The following DNAH12 variants were observed in gnomAD, a reference collection of about 807,000 sequenced individuals.
The protein encoded by DNAH12 is axonemal beta dynein heavy chain 12.
Under a neutral mutation model 371.5 loss-of-function variants are expected in DNAH12, and 285 were observed. That is an observed-to-expected ratio of 0.77 (90% confidence interval 0.70 to 0.85). The LOEUF (loss-of-function observed/expected upper bound fraction) is 0.85, where lower values mean the gene tolerates loss of function less well. DNAH12 is among the 40% of genes least tolerant of loss of function. DNAH12 has a pLI of 0.00. For missense variants in DNAH12, 3,611 were observed against 3,689.4 expected (o/e 0.98, Z 0.55); for synonymous variants, 1,200 against 1,213.0 (o/e 0.99, Z 0.22).
At chr3:57,445,991 CATAAA>C (rs1464268881) in intron 27 of DNAH12, 35 bp downstream of exon 27, 1 of 1,425,134 alleles carries the variant, frequency 7.0e-7, no homozygotes. Flanking sequence ...GTTTCAAAAA[CATAAA>C]ATAAATAAAT....
intron 50 of DNAH12, among the ~76,000 whole-genome samples, chr3:57,381,219 C>A (rs1021856002): frequency 7.2e-6 from 1 of 138,056 alleles, no homozygotes; most frequent in Admixed American, 7.5e-5. Flanking sequence ...TTTCTACTTC[C>A]GGAAGCCTGA....
intron 25 of DNAH12, 77 bp from the exon 26 acceptor site, chr3:57,446,766 A>C (rs1054807010): frequency 7.5e-7 from 1 of 1,326,066 alleles, no homozygotes; most frequent in Non-Finnish European, 9.8e-7. Context: ...TACCAAATGG[A>C]TTTAGCCTGT....
At chr3:57,530,924 GC>G in intron 2 of DNAH12, 2 of 156,530 alleles carry the variant, frequency 1.3e-5, no homozygotes. Flanking sequence ...GCTTACTCTT[GC>G]CCCTGTCTTG....
chr3:57,415,100 TC>T (rs2064323773), intron 38 of DNAH12, among the ~76,000 whole-genome samples: 1 of 152,040 alleles, frequency 6.6e-6, no homozygotes, highest in Non-Finnish European at 1.5e-5. Flanking sequence ...TCCCTGGGTC[TC>T]CCCACCCCTG....
chr3:57,459,546 A>G (rs934466765), intron 20 of DNAH12, 46 bp downstream of exon 20: 4 of 1,306,660 alleles, frequency 3.1e-6, no homozygotes, highest in Non-Finnish European at 2.0e-6. Context: ...CTTAATTTCC[A>G]AAAACAAAGG....
At chr3:57,442,805 A>T (rs1255501257) in intron 29 of DNAH12, among the ~76,000 whole-genome samples, 1 of 152,236 alleles carries the variant, frequency 6.6e-6, no homozygotes, top group Admixed American at 6.5e-5. Context: ...GCATATTAGT[A>T]TTTGAGCATA....
chr3:57,346,875 G>A (rs1274413715), intron 60 of DNAH12, among the ~76,000 whole-genome samples: 12 of 150,004 alleles, frequency 8.0e-5, no homozygotes, highest in Admixed American at 2.7e-4. Flanking sequence ...GGAGCATTAC[G>A]TAAAGATAAA....
At chr3:57,354,804 A>C (rs1025734788) in intron 59 of DNAH12, among the ~76,000 whole-genome samples, 2 of 152,208 alleles carry the variant, frequency 1.3e-5, no homozygotes, top group Admixed American at 6.5e-5. Context: ...AAAAGAGCCA[A>C]ATATTTATAT....
chr3:57,484,897 C>T (rs1476000780), intron 12 of DNAH12, among the ~76,000 whole-genome samples: 3 of 151,942 alleles, frequency 2.0e-5, no homozygotes, highest in Non-Finnish European at 4.4e-5. Flanking sequence ...ATAGGCATTT[C>T]TTAAAAGAAG....
At chr3:57,327,158 G>C (rs1464699980) in intron 62 of DNAH12, among the ~76,000 whole-genome samples, 1 of 152,088 alleles carries the variant, frequency 6.6e-6, no homozygotes, top group Admixed American at 6.5e-5. Context: ...CAACGAGACA[G>C]AAAGTCAACA....
chr3:57,322,381 C>A lies in DNAH12; in HGVS notation c.10486G>T (p.Asp3496Tyr). 1 of 1,551,756 alleles carries A rather than the reference C, an allele frequency of 6.4e-7. No individual in the cohort carries two copies. The highest frequency in any genetic ancestry group is 1.2e-5 in the South Asian group (1 of 83,962). The change falls in exon 65 of 74, where the codon GAT becomes TAT. Residue 3496 changes from aspartate to tyrosine, a missense_variant. By Grantham distance (160) the Asp-to-Tyr change is radical (BLOSUM62 -3). This residue lies in a region of DNAH12 where 2,266 missense variants were observed against 2,236.9 expected (regional missense o/e 1.01). Transcript: ENST00000495027. ...CGGCATCCCTTGAAAAACTCAGGAT[C>A]AGAAACTGGATCAGTGAGATATGAT... ...LQSYLTDPVS[D>Y]PEFFKGCRGK... is the part of the protein sequence containing the mutation.
At chr3:57,415,074 A>G (rs1167977086) in intron 38 of DNAH12, among the ~76,000 whole-genome samples, 2 of 151,964 alleles carry the variant, frequency 1.3e-5, no homozygotes, top group African/African-American at 2.4e-5. Flanking sequence ...AGAACAATTC[A>G]AAGTTCTCTC....
At chr3:57,502,802 C>A (rs1375853244) in intron 9 of DNAH12, among the ~76,000 whole-genome samples, 1 of 152,178 alleles carries the variant, frequency 6.6e-6, no homozygotes, top group Non-Finnish European at 1.5e-5. Flanking sequence ...ACCTCAGCCT[C>A]CCAAAGTCCT....
In DNAH12 at chr3:57,413,894, A is replaced by G. The variant is rs782001816; in HGVS notation, c.5872T>C (p.Leu1958=). 1 of 1,550,668 alleles carries G rather than the reference A, an allele frequency of 6.4e-7. No individual in the cohort carries two copies. The highest frequency in any genetic ancestry group is 8.7e-7 in the Non-Finnish European group (1 of 1,146,604). The change falls in exon 39 of 74, where the codon TTG becomes CTG. Residue 1958 remains leucine (L), a synonymous_variant. Coordinates refer to ENST00000495027, the MANE Select transcript of DNAH12 (RefSeq NM_001366028.2). ...AAGACTCCTTTGCGTCTTTTATCCAATCTAGCCATGATAATGTTCTAAAAT... is the reference window on the plus strand; with the variant it reads ...AAGACTCCTTTGCGTCTTTTATCCAGTCTAGCCATGATAATGTTCTAAAAT... The part of the protein sequence containing the change: ...NQVQNIIMAR[L]DKRRKGVFGP...
intron 55 of DNAH12, among the ~76,000 whole-genome samples, chr3:57,372,951 A>T (rs2063205982): frequency 6.6e-6 from 1 of 152,260 alleles, no homozygotes; most frequent in African/African-American, 2.4e-5. Flanking sequence ...CACTAAAATT[A>T]GAAAGACTAA....
chr3:57,347,298 C>T (rs889753021), intron 60 of DNAH12, among the ~76,000 whole-genome samples: 2 of 152,116 alleles, frequency 1.3e-5, no homozygotes, highest in Non-Finnish European at 2.9e-5. Context: ...TTATACACCA[C>T]GACTAAGTGG....
intron 37 of DNAH12, among the ~76,000 whole-genome samples, chr3:57,418,631 C>T (rs1013335300): frequency 9.3e-5 from 14 of 151,164 alleles, no homozygotes; most frequent in Admixed American, 2.0e-4. Flanking sequence ...AATGCAACTA[C>T]GGACACAAAA....
At chr3:57,537,709 A>C (rs1343945917) in intron 2 of DNAH12, among the ~76,000 whole-genome samples, 1 of 147,514 alleles carries the variant, frequency 6.8e-6, no homozygotes, top group African/African-American at 2.5e-5. Context: ...TTTTTGAGAC[A>C]GAGTCTTGCT....
At chr3:57,382,729 A>G (rs2063419716) in intron 49 of DNAH12, among the ~76,000 whole-genome samples, 1 of 152,170 alleles carries the variant, frequency 6.6e-6, no homozygotes, top group African/African-American at 2.4e-5. Context: ...AAGAATCCTA[A>G]TTTAGACAAA....
Sources: allele counts gnomAD v4.1 joint callset (sites outside exome capture counted in the v4.1 genomes callset), GRCh38; gene constraint gnomAD v4.1.1; regional missense constraint gnomAD v4.1.1; transcripts MANE v1.5; gene names NCBI Gene and HGNC (gene_info 2026-07-23, HGNC 2026-07-21).